The following ALG13 variants were observed in gnomAD, a reference collection of about 807,000 sequenced individuals.
ALG13 encodes the protein UDP-N-acetylglucosamine transferase subunit ALG13.
Under a neutral mutation model 87.8 loss-of-function variants are expected in ALG13, and 11 were observed. The ratio of observed to expected loss-of-function variants is 0.13; its 90% CI spans 0.08 to 0.21. The LOEUF is 0.21. Ranked by LOEUF, ALG13 falls within the 10% of genes least tolerant of loss-of-function variation. ALG13 has a pLI of 1.00. For missense variants in ALG13, 756 were observed against 866.1 expected, an observed-to-expected ratio of 0.87 and a Z score of 1.60; for synonymous variants, 320 against 306.3, an observed-to-expected ratio of 1.04 and a Z score of -0.47.
At position 111,692,457 on chromosome X, in the gene ALG13, A is replaced by G. The variant is rs780611258; in HGVS notation, c.383+7354A>G. 4.5e-5 allele frequency among the ~76,000 whole-genome samples: 5 copies of G among 111,344 alleles called. No homozygotes were observed. In the East Asian group the frequency reaches 8.6e-4, roughly 19 times the overall value. ...CTAGTACTCTTTTTTGATTGTCTTG[A>G]TTAGGATTAGGTATTGTTCTAGGAA... On this transcript the variant is annotated intron_variant, in intron 3 of 26. Transcript: ENST00000394780.
intron 24 of ALG13, among the ~76,000 whole-genome samples, chrX:111,747,896 T>C (rs1944387131): frequency 8.9e-6 from 1 of 112,595 alleles, no homozygotes; most frequent in Non-Finnish European, 1.9e-5. Flanking sequence ...AGAGTGGCTA[T>C]ACCATTTTGC....
rs1170963669 is a variant in ALG13, at chrX:111,685,120, T to C, written c.383+17T>C. On this transcript the variant is annotated intron_variant, in intron 3 of 26. Coordinates refer to ENST00000394780, the MANE Select transcript of ALG13 (RefSeq NM_001099922.3). ...TACCTGCAGGTATGCTAGAGACTGA[T>C]TATTATTATCTCTTGCCTTAATTCG... is the stretch of plus-strand genomic sequence containing the variant. 4.2e-6 allele frequency: 5 copies of C among 1,198,665 alleles called. No individual in the cohort carries two copies. The highest frequency in any genetic ancestry group is 5.6e-6 in the Non-Finnish European group (5 of 889,523).
chrX:111,753,204 A>G (rs1944912761), intron 25 of ALG13: 1 of 120,466 alleles, frequency 8.3e-6, no homozygotes, highest in Non-Finnish European at 1.7e-5. Context: ...TGAAAATTAG[A>G]CAAATTTGAA....
chrX:111,726,377 G>A, intron 15 of ALG13, among the ~76,000 whole-genome samples: 1 of 108,470 alleles, frequency 9.2e-6, no homozygotes, highest in Non-Finnish European at 1.9e-5. Context: ...GGGATTACAG[G>A]CGCACGTTAC....
At chrX:111,718,650 A>G (rs1940969464) in intron 10 of ALG13, among the ~76,000 whole-genome samples, 1 of 112,160 alleles carries the variant, frequency 8.9e-6, no homozygotes, top group African/African-American at 3.2e-5. Context: ...AAGTGTGCCT[A>G]AGCATTCTGA....
chrX:111,696,288 A>G (rs1253481440), intron 3 of ALG13, among the ~76,000 whole-genome samples: 1 of 111,776 alleles, frequency 8.9e-6, no homozygotes, highest in Non-Finnish European at 1.9e-5. Context: ...ATTGATTACA[A>G]ATTTTACCAC....
At chrX:111,725,784 AACCTGAGGGGGAAAAATATTTCTTAGAG>A (rs1214504250) in intron 15 of ALG13, among the ~76,000 whole-genome samples, 17 of 112,184 alleles carry the variant, frequency 1.5e-4, no homozygotes, top group South Asian at 7.4e-4. Context: ...CATGGATCTT[AACCTGAGGGGGAAAAATATTTCTTAGAG>A]ACCTGAGGGG....
At position 111,685,077 on chromosome X, in the gene ALG13, G is replaced by A; in HGVS notation, c.357G>A (p.Glu119=). The change falls in exon 3 of 27, where the codon GAG becomes GAA. Residue 119 remains glutamate (E), a synonymous_variant. Transcript: ENST00000394780. ...AACTGGCAAAGCAGCTACACAAAGA[G>A]GGTCATCTCTTCTATTGTACCTGCA... ...QLELAKQLHK[E]GHLFYCTCRV... The A allele has an allele frequency of 8.3e-7, 1 of 1,210,134 alleles. No individual in the cohort carries two copies. Among genetic ancestry groups the A allele is most frequent in the Non-Finnish European group, 1.1e-6 (1 of 894,932 alleles).
chrX:111,725,939 G>A (rs1490921595), intron 15 of ALG13, among the ~76,000 whole-genome samples: 4 of 111,214 alleles, frequency 3.6e-5, no homozygotes, highest in Admixed American at 9.5e-5. Flanking sequence ...GAGTTTTTGG[G>A]GTTTTTGTTT....
At chrX:111,704,342 C>G (rs889665793) in intron 3 of ALG13, among the ~76,000 whole-genome samples, 1 of 111,790 alleles carries the variant, frequency 8.9e-6, no homozygotes, top group East Asian at 2.8e-4. Context: ...AGTAACTCCA[C>G]TCCTAGGTAT....
chrX:111,736,971 T>G, intron 23 of ALG13, 92 bp downstream of exon 23: 1 of 741,530 alleles, frequency 1.3e-6, no homozygotes, highest in Non-Finnish European at 1.9e-6. Flanking sequence ...TACCATTACT[T>G]TAATTTCCAG....
At chrX:111,728,796 T>C (rs60703662) in intron 19 of ALG13, among the ~76,000 whole-genome samples, 2,014 of 111,236 alleles carry the variant, frequency 0.018, 41 homozygotes, top group African/African-American at 0.063. Context: ...TAAGTCATTA[T>C]ATTCATAATA....
chrX:111,725,867 G>GC (rs1941940732), intron 15 of ALG13, among the ~76,000 whole-genome samples: 1 of 112,566 alleles, frequency 8.9e-6, no homozygotes, highest in Non-Finnish European at 1.9e-5. Context: ...CATAGAAGCA[G>GC]CCAGGGATAT....
At chrX:111,700,989 A>C (rs752900584) in intron 3 of ALG13, among the ~76,000 whole-genome samples, 4 of 110,469 alleles carry the variant, frequency 3.6e-5, no homozygotes, top group African/African-American at 9.9e-5. Flanking sequence ...ATTTTTATTC[A>C]TTCTGTTAAT....
At chrX:111,688,627 G>A (rs1423864459) in intron 3 of ALG13, 1 of 747,706 alleles carries the variant, frequency 1.3e-6, no homozygotes, top group Non-Finnish European at 1.6e-6. Context: ...AAACTTTACT[G>A]GTTTGAGAAG....
Position 111,712,478 on chromosome X carries a change from G to A in ALG13, c.886-6G>A. On this transcript the variant is annotated splice_region_variant and splice_polypyrimidine_tract_variant and intron_variant, in intron 6 of 26. Coordinates refer to ENST00000394780, the MANE Select transcript of ALG13 (RefSeq NM_001099922.3). ...TTTTAAAACTCAATACACTATTTATGTTTAGGAAAGTGCTGGCCAGCTGGA... is the reference window on the plus strand; with the variant it reads ...TTTTAAAACTCAATACACTATTTATATTTAGGAAAGTGCTGGCCAGCTGGA... The A allele has an allele frequency of 1.7e-6, 2 of 1,147,370 alleles. No individual in the cohort carries two copies. The highest frequency in any genetic ancestry group is 1.8e-5 in the African/African-American group (1 of 55,605). The allele number at this position is 1,147,370 out of a possible 1,213,427, so 94.6% of individuals were successfully genotyped here.
At chrX:111,698,277 G>A (rs757106860) in intron 3 of ALG13, among the ~76,000 whole-genome samples, 1 of 111,870 alleles carries the variant, frequency 8.9e-6, no homozygotes, top group South Asian at 3.7e-4. Context: ...TGCATTTATA[G>A]GGTACAATGT....
intron 3 of ALG13, among the ~76,000 whole-genome samples, chrX:111,696,210 C>T (rs975505566): frequency 9.0e-6 from 1 of 110,930 alleles, no homozygotes; most frequent in East Asian, 2.8e-4. Context: ...AGGCTAACAC[C>T]CAAAAGCTAT....
chrX:111,684,525 A>G (rs181216501), intron 2 of ALG13, among the ~76,000 whole-genome samples: 37 of 110,952 alleles, frequency 3.3e-4, no homozygotes, highest in Non-Finnish European at 4.7e-4. Flanking sequence ...AGGTCTCTCT[A>G]TGTTGCAGAG....
Sources: allele counts gnomAD v4.1 joint callset (sites outside exome capture counted in the v4.1 genomes callset), GRCh38; gene constraint gnomAD v4.1.1; transcripts MANE v1.5; gene names NCBI Gene and HGNC (gene_info 2026-07-23, HGNC 2026-07-21).